WDPCP: variants seen among roughly 807,000 people sequenced by gnomAD.
The protein encoded by WDPCP is WD repeat-containing and planar cell polarity effector protein fritz homolog.
A neutral mutation model predicts 93.1 loss-of-function variants in WDPCP; 71 were observed. The observed-to-expected ratio is 0.76, with a 90% CI of 0.63 to 0.93. The LOEUF (loss-of-function observed/expected upper bound fraction) is 0.93. Ranked by LOEUF, WDPCP falls within the 40% of genes least tolerant of loss-of-function variation. The pLI is 0.00. For synonymous variants in WDPCP, 315 were observed against 315.0 expected (o/e 1.00, Z 0.00); for missense variants, 844 against 887.4 (o/e 0.95, Z 0.62).
intron 17 of WDPCP, among the ~76,000 whole-genome samples, chr2:63,146,398 G>T (rs1671503290): frequency 7.0e-6 from 1 of 141,994 alleles, no homozygotes; most frequent in African/African-American, 2.6e-5. Context: ...CTAGTTTATT[G>T]AGAGCGTGTT....
At chr2:63,314,185 T>A (rs201172944) in intron 12 of WDPCP, among the ~76,000 whole-genome samples, 1 of 7,480 alleles carries the variant, frequency 1.3e-4, no homozygotes, top group Non-Finnish European at 1.7e-4. Flanking sequence ...CCCCATCTTC[T>A]TTTTTTTTTA....
chr2:63,784,754 A>T (rs1670443634), intron 2 of WDPCP, among the ~76,000 whole-genome samples: 3 of 152,196 alleles, frequency 2.0e-5, no homozygotes, highest in African/African-American at 4.8e-5. Flanking sequence ...TAAATTTAAA[A>T]TCACAACCCA....
intron 7 of WDPCP, chr2:63,437,890 T>C: frequency 6.3e-7 from 1 of 1,595,926 alleles, no homozygotes; most frequent in South Asian, 1.1e-5. Flanking sequence ...ACATTCCATT[T>C]TATTTGTGCT....
rs1558584851 is a variant in WDPCP, at chr2:63,404,607, G to A, written c.876C>T (p.Gly292=). Residue 292 remains glycine, a synonymous_variant, in exon 10 of 18, where the codon GGC becomes GGT. Transcript: ENST00000272321. ...TGAACACCTGATAAGGCTGTTTGGT[G>A]CCAAAGCGAACATCCAGTGGGTCCC... ...TEWDPLDVRF[G]TKQPYQVFTV... The A allele has an allele frequency of 1.2e-6, 2 of 1,614,062 alleles. No individual in the cohort carries two copies. The highest frequency in any genetic ancestry group is 2.2e-5 in the East Asian group (1 of 44,874).
chr2:63,704,112 G>C (rs1173808804), intron 2 of WDPCP, among the ~76,000 whole-genome samples: 1 of 152,122 alleles, frequency 6.6e-6, no homozygotes. Context: ...GTCTGTTATT[G>C]GTGTATAAGA....
At chr2:63,364,004 A>G (rs1690695432) in intron 12 of WDPCP, among the ~76,000 whole-genome samples, 1 of 152,164 alleles carries the variant, frequency 6.6e-6, no homozygotes. Context: ...CATGCCTGTG[A>G]ATAGCAACTG....
At chr2:63,418,558 C>T (rs1575380518) in intron 9 of WDPCP, among the ~76,000 whole-genome samples, 2 of 152,248 alleles carry the variant, frequency 1.3e-5, no homozygotes, top group South Asian at 4.1e-4. Flanking sequence ...TCAGGTACTT[C>T]CTAGACTTGG....
At chr2:63,233,039 C>G (rs1359892203) in intron 14 of WDPCP, 3 of 155,362 alleles carry the variant, frequency 1.9e-5, no homozygotes, top group Non-Finnish European at 4.3e-5. Context: ...GCATTTGTCT[C>G]AAACTAATGG....
chr2:63,224,260 GAAC>G (rs1678086617), intron 14 of WDPCP, among the ~76,000 whole-genome samples: 1 of 151,966 alleles, frequency 6.6e-6, no homozygotes, highest in Admixed American at 6.6e-5. Context: ...AAATGCGGTG[GAAC>G]AACAAGGATT....
chr2:63,817,629 A>G (rs1042545985), intron 1 of WDPCP, among the ~76,000 whole-genome samples: 7 of 152,154 alleles, frequency 4.6e-5, no homozygotes, highest in Non-Finnish European at 8.8e-5. Context: ...TCACTCTACA[A>G]AGGCAGAGTT....
At chr2:63,456,863 C>T (rs1442683492) in intron 6 of WDPCP, among the ~76,000 whole-genome samples, 1 of 151,906 alleles carries the variant, frequency 6.6e-6, no homozygotes, top group African/African-American at 2.4e-5. Flanking sequence ...AATACAAAAA[C>T]TTGCCGAGCT....
chr2:63,597,483 G>A (rs761702932), intron 3 of WDPCP: 1 of 1,524,352 alleles, frequency 6.6e-7, no homozygotes. Flanking sequence ...AGAAGGGAAG[G>A]CATGGAGAGA....
chr2:63,705,097 T>C (rs967725906), intron 2 of WDPCP, among the ~76,000 whole-genome samples: 5 of 152,246 alleles, frequency 3.3e-5, no homozygotes, highest in African/African-American at 4.8e-5. Context: ...GAGGTGTTTA[T>C]AGTATTCTCT....
chr2:63,397,969 C>T (rs1693864010), intron 10 of WDPCP, among the ~76,000 whole-genome samples: 1 of 152,098 alleles, frequency 6.6e-6, no homozygotes, highest in Non-Finnish European at 1.5e-5. Flanking sequence ...TTATCTGCTG[C>T]TGTTCCAAGA....
chr2:63,182,384 C>G (rs1254076533), intron 14 of WDPCP, among the ~76,000 whole-genome samples: 1 of 151,950 alleles, frequency 6.6e-6, no homozygotes, highest in African/African-American at 2.4e-5. Flanking sequence ...AATGCTTTTT[C>G]TGTATCTATT....
chr2:63,151,090 G>C (rs539319318), intron 17 of WDPCP, among the ~76,000 whole-genome samples: 47 of 152,306 alleles, frequency 3.1e-4, no homozygotes, highest in Admixed American at 1.4e-3. Context: ...TACACAAACT[G>C]ATATTTCCCT....
At chr2:63,140,630 A>T (rs1017590482) in intron 17 of WDPCP, among the ~76,000 whole-genome samples, 1 of 150,822 alleles carries the variant, frequency 6.6e-6, no homozygotes, top group South Asian at 2.1e-4. Flanking sequence ...CTGTTGTTGT[A>T]TAGAAGAGCT....
At chr2:63,689,567 A>T (rs1342500915) in intron 2 of WDPCP, among the ~76,000 whole-genome samples, 2 of 152,144 alleles carry the variant, frequency 1.3e-5, no homozygotes, top group African/African-American at 2.4e-5. Flanking sequence ...AGTAGTACAG[A>T]CGTATTCAGG....
chr2:63,373,403 C>T (rs566722582), intron 12 of WDPCP, among the ~76,000 whole-genome samples: 120 of 151,720 alleles, frequency 7.9e-4, no homozygotes, highest in Non-Finnish European at 1.6e-3. Context: ...GCGTGTGCCA[C>T]CATGCGCCCG....
Sources: gnomAD v4.1 joint callset for allele counts (sites outside exome capture counted in the v4.1 genomes callset) on GRCh38, gnomAD v4.1.1 for gene constraint, MANE v1.5 for transcripts, NCBI Gene and HGNC (gene_info 2026-07-23, HGNC 2026-07-21) for gene names.